KLRF2: variants seen among roughly 807,000 people sequenced by gnomAD.
KLRF2 encodes the protein killer cell lectin like receptor F2, also known as killer cell lectin-like receptor subfamily F member 2.
A neutral mutation model predicts 25.3 loss-of-function variants in KLRF2; 28 were observed. The ratio of observed to expected loss-of-function variants is 1.11; its 90% CI spans 0.82 to 1.52. The LOEUF is 1.52. Ranked by LOEUF, KLRF2 falls within the 40% of genes most tolerant of loss-of-function variation. KLRF2 has a pLI of 0.00. For missense variants in KLRF2, 265 were observed against 245.8 expected (o/e 1.08, Z -0.52); for synonymous variants, 73 against 85.0 (o/e 0.86, Z 0.78).
chr12:9,886,857 C>T (rs1862604968), intron 2 of KLRF2, among the ~76,000 whole-genome samples: 1 of 150,698 alleles, frequency 6.6e-6, no homozygotes, highest in South Asian at 2.1e-4. Context: ...GACTGGTGGT[C>T]GGTGCAATAA....
At chr12:9,890,029 C>A (rs1862655805) in intron 3 of KLRF2, among the ~76,000 whole-genome samples, 1 of 151,854 alleles carries the variant, frequency 6.6e-6, no homozygotes. Flanking sequence ...TTTAAAACAG[C>A]ACCAATAATT....
At chr12:9,882,320 G>A (rs1482454813) in intron 1 of KLRF2, among the ~76,000 whole-genome samples, 1 of 152,088 alleles carries the variant, frequency 6.6e-6, no homozygotes, top group African/African-American at 2.4e-5. Context: ...TTTATATCTA[G>A]CAAATGCAAA....
rs904992595 is a variant in KLRF2 at position 9,884,927 on chromosome 12, A to G, written c.71-7A>G. The G allele has an allele frequency of 3.9e-6, 4 of 1,018,290 alleles. No individual in the cohort carries two copies. The highest frequency in any genetic ancestry group is 3.2e-5 in the East Asian group (1 of 31,252). 63.1% of individuals were successfully genotyped at this position (1,018,290 alleles called of 1,614,324 possible). On this transcript the variant is annotated splice_region_variant and splice_polypyrimidine_tract_variant and intron_variant, in intron 1 of 5. Coordinates refer to ENST00000535540, the MANE Select transcript of KLRF2 (RefSeq NM_001190765.1). ...AATCACAAGAATTCTAAAATTCAAC[A>G]TTTCAGATTTCTCCCTATATCCACA...
At chr12:9,882,266 G>T (rs1868102363) in intron 1 of KLRF2, among the ~76,000 whole-genome samples, 1 of 152,124 alleles carries the variant, frequency 6.6e-6, no homozygotes, top group Non-Finnish European at 1.5e-5. Context: ...AGTCGCAGTG[G>T]CAGTTCTGCC....
intron 1 of KLRF2, among the ~76,000 whole-genome samples, chr12:9,884,186 T>C (rs1591775754): frequency 1.3e-5 from 2 of 152,104 alleles, no homozygotes; most frequent in African/African-American, 2.4e-5. Context: ...AGGATTATTA[T>C]ACATGCCCCT....
In KLRF2 at chr12:9,893,523, A is replaced by C. The variant is rs760291774; in HGVS notation, c.461A>C (p.His154Pro). ...AACCTATGGATGTGGATAGATGAAC[A>C]CTTTTTAGTTCCAGAATTGTGAGTA... Reference protein sequence around the residue: ...QGNLWMWIDEHFLVPELFSVI... With the variant: ...QGNLWMWIDEPFLVPELFSVI... Residue 154 changes from histidine to proline, a missense_variant, in exon 5 of 6, where the codon CAC becomes CCC. Transcript: ENST00000535540. The C allele has an allele frequency of 1.4e-5, 20 of 1,480,108 alleles. No individual in the cohort carries two copies. Among genetic ancestry groups the C allele is most frequent in the Non-Finnish European group, 1.8e-5 (20 of 1,101,258 alleles). 91.7% of individuals were successfully genotyped at this position (1,480,108 alleles called of 1,614,324 possible).
In KLRF2 at chr12:9,893,144, G is replaced by A. The variant is rs1565523660; in HGVS notation, c.342G>A (p.Leu114=). 1.3e-6 allele frequency: 2 copies of A among 1,532,688 alleles called. No individual in the cohort carries two copies. The highest frequency in any genetic ancestry group is 1.7e-6 in the Non-Finnish European group (2 of 1,145,044). The allele number at this position is 1,532,688 out of a possible 1,614,324, so 94.9% of individuals were successfully genotyped here. Residue 114 remains leucine, a synonymous_variant, in exon 4 of 6, where the codon CTG becomes CTA. Coordinates refer to ENST00000535540, the MANE Select transcript of KLRF2 (RefSeq NM_001190765.1). ...GTACACAGCTACAGGCACATTTACT[G>A]GTGATTCAAAATTTGGATGAGCTGG... ...RDCTQLQAHL[L]VIQNLDELEF... is the part of the protein sequence containing the mutation.
intron 5 of KLRF2, among the ~76,000 whole-genome samples, chr12:9,895,292 A>G (rs1463044144): frequency 6.6e-6 from 1 of 152,238 alleles, no homozygotes; most frequent in African/African-American, 2.4e-5. Context: ...ATAGGAAACA[A>G]AACTGAAATT....
At chr12:9,881,826 A>T (rs1868097581) in intron 1 of KLRF2, among the ~76,000 whole-genome samples, 161 bp downstream of exon 1, 1 of 152,204 alleles carries the variant, frequency 6.6e-6, no homozygotes, top group South Asian at 2.1e-4. Context: ...GAAAGCATCA[A>T]CAATAAAAAG....
intron 1 of KLRF2, among the ~76,000 whole-genome samples, chr12:9,884,244 A>G (rs1401542464): frequency 1.3e-5 from 2 of 152,070 alleles, no homozygotes; most frequent in Non-Finnish European, 2.9e-5. Context: ...TAAGGAAGCT[A>G]TTCTTGCCAA....
At chr12:9,886,763 C>CA (rs770999069) in intron 2 of KLRF2, among the ~76,000 whole-genome samples, 64,456 of 103,332 alleles carry the variant, frequency 0.62, 18,988 homozygotes, top group Non-Finnish European at 0.7. Context: ...CTATATCATG[C>CA]AAAAAAAAAA....
intron 1 of KLRF2, among the ~76,000 whole-genome samples, chr12:9,884,709 A>C (rs1868131572): frequency 6.6e-6 from 1 of 150,902 alleles, no homozygotes; most frequent in Non-Finnish European, 1.5e-5. Context: ...CCTCAAAAAC[A>C]CCACCAAATA....
At chr12:9,889,358 A>T (rs1862645622) in intron 3 of KLRF2, among the ~76,000 whole-genome samples, 2 of 152,036 alleles carry the variant, frequency 1.3e-5, no homozygotes, top group Non-Finnish European at 2.9e-5. Context: ...GTCACTGGGA[A>T]GATATTTTTT....
chr12:9,892,730 A>G (rs915427719), intron 3 of KLRF2, among the ~76,000 whole-genome samples: 1 of 151,608 alleles, frequency 6.6e-6, no homozygotes, highest in African/African-American at 2.4e-5. Context: ...GATTACAGGC[A>G]TGGGCCACCA....
At chr12:9,884,536 T>C (rs1242628039) in intron 1 of KLRF2, among the ~76,000 whole-genome samples, 1 of 149,962 alleles carries the variant, frequency 6.7e-6, no homozygotes, top group African/African-American at 2.4e-5. Flanking sequence ...ATATACATTT[T>C]ATATATTATT....
At chr12:9,886,402 A>C (rs935693491) in intron 2 of KLRF2, among the ~76,000 whole-genome samples, 51 of 152,290 alleles carry the variant, frequency 3.3e-4, no homozygotes, top group African/African-American at 1.2e-3. Flanking sequence ...AAGGGGAGAA[A>C]ATTTTAAAGA....
At chr12:9,891,199 C>A (rs1269624805) in intron 3 of KLRF2, among the ~76,000 whole-genome samples, 1 of 152,106 alleles carries the variant, frequency 6.6e-6, no homozygotes, top group Non-Finnish European at 1.5e-5. Context: ...TGCTTAGAAA[C>A]CTGCCTGGCC....
intron 3 of KLRF2, among the ~76,000 whole-genome samples, chr12:9,891,772 T>G (rs1206986957): frequency 6.6e-6 from 1 of 152,190 alleles, no homozygotes; most frequent in Non-Finnish European, 1.5e-5. Flanking sequence ...AATCTAAATT[T>G]AGGTCATAAT....
chr12:9,881,666 G>A lies in KLRF2; in HGVS notation c.70+1G>A, dbSNP rs546020650. On this transcript the variant is annotated splice_donor_variant, in intron 1 of 5. Coordinates refer to ENST00000535540, the MANE Select transcript of KLRF2 (RefSeq NM_001190765.1). LOFTEE classifies it high-confidence loss of function. Reference sequence around the variant, plus strand: ...TGTAAATCGAAGCAGAAATCTAAAGGTAGGAATACTGCTCCCCATCACCGC... The same window carrying A: ...TGTAAATCGAAGCAGAAATCTAAAGATAGGAATACTGCTCCCCATCACCGC... 1.8e-5 allele frequency: 28 copies of A among 1,531,872 alleles called. No individual in the cohort carries two copies. In the East Asian group the frequency reaches 6.1e-4, roughly 34 times the overall value. The allele number at this position is 1,531,872 out of a possible 1,614,324, so 94.9% of individuals were successfully genotyped here. A position where few individuals can be genotyped will look rare whatever the true frequency, so the allele number is the denominator to read the frequency against.
Sources: allele counts gnomAD v4.1 joint callset (sites outside exome capture counted in the v4.1 genomes callset), GRCh38; gene constraint gnomAD v4.1.1; transcripts MANE v1.5; gene names NCBI Gene and HGNC (gene_info 2026-07-23, HGNC 2026-07-21).